Variants in CTNNA2 observed in about 807,000 individuals in gnomAD.
CTNNA2 encodes catenin alpha-2.
In CTNNA2, 42 loss-of-function variants were observed where a neutral mutation model predicts 101.0. The observed-to-expected ratio is 0.42, with a 90% CI of 0.32 to 0.54. The LOEUF (loss-of-function observed/expected upper bound fraction) is 0.54, where lower values mean the gene tolerates loss of function less well. CTNNA2 is among the 20% of genes least tolerant of loss of function. The pLI, the probability that CTNNA2 is intolerant of heterozygous loss-of-function variation, is 0.14. For missense variants in CTNNA2, 871 were observed against 1,223.1 expected (o/e 0.71, Z 4.29); for synonymous variants, 450 against 456.4 (o/e 0.99, Z 0.18).
intron 9 of CTNNA2, among the ~76,000 whole-genome samples, chr2:80,509,111 T>C (rs549321730): frequency 6.6e-6 from 1 of 152,182 alleles, no homozygotes; most frequent in Non-Finnish European, 1.5e-5. Flanking sequence ...TCTTCTGTGA[T>C]AAAAATAACC....
chr2:80,020,982 T>C (rs1574559227), intron 7 of CTNNA2, among the ~76,000 whole-genome samples: 1 of 148,354 alleles, frequency 6.7e-6, no homozygotes, highest in South Asian at 2.1e-4. Flanking sequence ...ATTTTTGGAA[T>C]GACCAATCAT....
intron 9 of CTNNA2, among the ~76,000 whole-genome samples, chr2:80,492,820 G>C (rs2149519835): frequency 6.6e-6 from 1 of 152,256 alleles, no homozygotes; most frequent in African/African-American, 2.4e-5. Context: ...GTGGAAGTTG[G>C]TTTTCTTTTC....
At chr2:80,462,669 C>G (rs1684541111) in intron 9 of CTNNA2, among the ~76,000 whole-genome samples, 1 of 120,030 alleles carries the variant, frequency 8.3e-6, no homozygotes, top group Non-Finnish European at 1.6e-5. Flanking sequence ...TAAAGAGCTG[C>G]TGGGTCATCA....
At chr2:79,792,745 T>C (rs541970201) in intron 3 of CTNNA2, among the ~76,000 whole-genome samples, 2 of 152,306 alleles carry the variant, frequency 1.3e-5, no homozygotes, top group Non-Finnish European at 2.9e-5. Context: ...CTGCCCTCAG[T>C]TCCTAATCAG....
intron 7 of CTNNA2, among the ~76,000 whole-genome samples, chr2:80,389,324 CT>C (rs1327671070): frequency 2.7e-5 from 4 of 145,992 alleles, no homozygotes; most frequent in African/African-American, 1.1e-4. Flanking sequence ...AAAACTCAGA[CT>C]TTTAAAAAAA....
At chr2:79,935,646 G>T (rs921097100) in intron 7 of CTNNA2, among the ~76,000 whole-genome samples, 5 of 152,160 alleles carry the variant, frequency 3.3e-5, no homozygotes, top group Non-Finnish European at 7.3e-5. Flanking sequence ...GTGTCACATT[G>T]TAGTTATACG....
chr2:79,374,465 G>A (rs1677940962), intron 4 of CTNNA2, among the ~76,000 whole-genome samples: 2 of 151,958 alleles, frequency 1.3e-5, no homozygotes, highest in Admixed American at 6.6e-5. Flanking sequence ...TCCTTCCAGG[G>A]GAGAAGGGTT....
chr2:80,156,665 G>T (rs1036018866), intron 7 of CTNNA2, among the ~76,000 whole-genome samples: 1 of 152,172 alleles, frequency 6.6e-6, no homozygotes, highest in Admixed American at 6.5e-5. Flanking sequence ...GCTGAGCTTC[G>T]CTCCTCATTA....
intron 4 of CTNNA2, among the ~76,000 whole-genome samples, chr2:79,477,353 T>C (rs1320800870): frequency 1.3e-5 from 2 of 151,882 alleles, no homozygotes; most frequent in Admixed American, 1.3e-4. Context: ...GTATTTTTAG[T>C]AGAGTAGGGA....
chr2:79,719,988 A>G (rs935187368), intron 2 of CTNNA2, among the ~76,000 whole-genome samples: 1 of 152,038 alleles, frequency 6.6e-6, no homozygotes, highest in East Asian at 1.9e-4. Context: ...TGAGAAGGGT[A>G]TTTCCTAGAT....
intron 2 of CTNNA2, among the ~76,000 whole-genome samples, chr2:79,704,611 C>A (rs1472832516): frequency 1.3e-5 from 2 of 148,920 alleles, no homozygotes; most frequent in Non-Finnish European, 3.0e-5. Flanking sequence ...CTCCCGGGTT[C>A]ACGCCATTCT....
intron 2 of CTNNA2, among the ~76,000 whole-genome samples, chr2:79,662,108 T>G (rs922868550): frequency 6.6e-6 from 1 of 151,750 alleles, no homozygotes; most frequent in African/African-American, 2.4e-5. Context: ...AGTAAGGATT[T>G]AGTACCTTTT....
chr2:79,407,303 C>T (rs1043417313), intron 4 of CTNNA2, among the ~76,000 whole-genome samples: 1 of 151,990 alleles, frequency 6.6e-6, no homozygotes, highest in African/African-American at 2.4e-5. Context: ...ATTTTACAAC[C>T]AGGAATTGTA....
At chr2:79,365,061 G>A (rs1199517046) in intron 3 of CTNNA2, among the ~76,000 whole-genome samples, 1 of 152,006 alleles carries the variant, frequency 6.6e-6, no homozygotes, top group Admixed American at 6.6e-5. Flanking sequence ...GATCACCTGA[G>A]GTCAGGAGTT....
intron 2 of CTNNA2, among the ~76,000 whole-genome samples, chr2:79,297,076 C>T (rs1675996326): frequency 6.6e-6 from 1 of 152,128 alleles, no homozygotes; most frequent in Non-Finnish European, 1.5e-5. Context: ...GCCCCTCCTC[C>T]ACCCTTACTG....
intron 1 of CTNNA2, among the ~76,000 whole-genome samples, chr2:79,572,705 T>G (rs1675533454): frequency 6.6e-6 from 1 of 152,152 alleles, no homozygotes; most frequent in Non-Finnish European, 1.5e-5. Flanking sequence ...TGAACCAAGA[T>G]CACGCTGCTG....
intron 3 of CTNNA2, among the ~76,000 whole-genome samples, chr2:79,809,715 T>C (rs1053064167): frequency 6.6e-6 from 1 of 152,138 alleles, no homozygotes; most frequent in Non-Finnish European, 1.5e-5. Flanking sequence ...ATTGCAAAAA[T>C]TTTCTCCCAT....
intron 8 of CTNNA2, among the ~76,000 whole-genome samples, chr2:80,401,835 G>A (rs1282201209): frequency 1.3e-5 from 2 of 151,288 alleles, no homozygotes; most frequent in African/African-American, 4.9e-5. Context: ...ACTCTCCATA[G>A]CACACATTAC....
At chr2:80,013,355 T>C (rs1349623411) in intron 7 of CTNNA2, among the ~76,000 whole-genome samples, 1 of 152,198 alleles carries the variant, frequency 6.6e-6, no homozygotes, top group Non-Finnish European at 1.5e-5. Flanking sequence ...TAACACTCTT[T>C]CCTGAGTATT....
Sources: allele counts gnomAD v4.1 joint callset (sites outside exome capture counted in the v4.1 genomes callset), GRCh38; gene constraint gnomAD v4.1.1; transcripts MANE v1.5; gene names NCBI Gene and HGNC (gene_info 2026-07-23, HGNC 2026-07-21).